DENND1C: variants seen among roughly 807,000 people sequenced by gnomAD.
DENND1C encodes the protein DENN domain-containing protein 1C.
DENND1C carries 64 observed loss-of-function variants against 87.9 expected under a neutral mutation model. The ratio of observed to expected loss-of-function variants is 0.73; its 90% CI spans 0.60 to 0.90. The LOEUF is 0.90. Among genes scored for constraint, DENND1C ranks in the 40% least tolerant of loss-of-function variants. The pLI is 0.00. For synonymous variants in DENND1C, 384 were observed against 424.4 expected, an observed-to-expected ratio of 0.90 and a Z score of 1.17; for missense variants, 980 against 1,037.0, an observed-to-expected ratio of 0.95 and a Z score of 0.76.
intron 14 of DENND1C, among the ~76,000 whole-genome samples, chr19:6,473,389 G>A (rs1020045058): frequency 5.3e-5 from 8 of 151,088 alleles, no homozygotes; most frequent in Non-Finnish European, 1.2e-4. Context: ...TCTTGACCTC[G>A]TGATCCACCC....
intron 10 of DENND1C, 105 bp downstream of exon 10, chr19:6,476,751 CG>C: frequency 8.6e-7 from 1 of 1,162,054 alleles, no homozygotes; most frequent in African/African-American, 1.6e-5. Context: ...ACTTCGCCCT[CG>C]GGTCTCGCGC....
chr19:6,471,220 C>T, intron 17 of DENND1C, 45 bp downstream of exon 17: 1 of 1,556,024 alleles, frequency 6.4e-7, no homozygotes. Flanking sequence ...GTTGGGATTA[C>T]AGGCCTAAGC....
intron 1 of DENND1C, among the ~76,000 whole-genome samples, chr19:6,480,741 A>G (rs945186705): frequency 4.0e-5 from 6 of 151,852 alleles, no homozygotes; most frequent in African/African-American, 1.5e-4. Context: ...TGTAGCTGGG[A>G]TTACAGGTGC....
chr19:6,470,993 C>T (rs1361861687), intron 17 of DENND1C, among the ~76,000 whole-genome samples: 1 of 150,838 alleles, frequency 6.6e-6, no homozygotes, highest in East Asian at 2.0e-4. Context: ...CTTGCTCTGT[C>T]ACCCAGGCTG....
intron 14 of DENND1C, among the ~76,000 whole-genome samples, chr19:6,473,210 AGT>A (rs1372223529): frequency 2.0e-5 from 3 of 152,206 alleles, no homozygotes; most frequent in African/African-American, 7.2e-5. Context: ...GCTGGAATGC[AGT>A]GGCGTGATCT....
At position 6,479,970 on chromosome 19, in the gene DENND1C, C is replaced by A; in HGVS notation, c.82+17G>T. ...ACCCTCCCCTCCCACTCCCTCACTC[C>A]CAGGCTCCCAACTCACCCTCCTGCA... On this transcript the variant is annotated intron_variant, in intron 2 of 22. Coordinates refer to ENST00000381480, the MANE Select transcript of DENND1C (RefSeq NM_024898.4). 6.2e-7 allele frequency: 1 copy of A among 1,604,764 alleles called. No homozygotes were observed. Among genetic ancestry groups the A allele is most frequent in the Non-Finnish European group, 8.5e-7 (1 of 1,176,068 alleles).
chr19:6,475,170 TA>T, intron 14 of DENND1C, 103 bp downstream of exon 14: 2 of 1,560,944 alleles, frequency 1.3e-6, no homozygotes, highest in South Asian at 2.3e-5. Flanking sequence ...GTGTTGGGAT[TA>T]CAGGCGTGAG....
At position 6,475,830 on chromosome 19, in the gene DENND1C, C is replaced by T. The variant is rs993898689; in HGVS notation, c.779+7G>A. The T allele has an allele frequency of 5.2e-6, 8 of 1,524,548 alleles. No individual in the cohort carries two copies. The highest frequency in any genetic ancestry group is 1.4e-5 in the African/African-American group (1 of 71,978). 94.4% of individuals were successfully genotyped at this position (1,524,548 alleles called of 1,614,324 possible). A position where few individuals can be genotyped will look rare whatever the true frequency, so the allele number is the denominator to read the frequency against. On this transcript the variant is annotated splice_region_variant and intron_variant, in intron 11 of 22. Coordinates refer to ENST00000381480, the MANE Select transcript of DENND1C (RefSeq NM_024898.4). ...AGGCCCTGCCCCTCCCAGCTGCCCT[C>T]GCTCACCAGCAGTAGTCCAGCAGGT...
Position 6,468,653 on chromosome 19 carries a change from G to C in DENND1C, c.1516-8C>G, listed in dbSNP as rs2092810327. ...GGGGCGAAGGGGCCGGTTCTGCAAA[G>C]GGTGGGGGCGATAGGACCTCAGGAG... On this transcript the variant is annotated splice_polypyrimidine_tract_variant and splice_region_variant and intron_variant, in intron 20 of 22. Transcript: ENST00000381480. The C allele has an allele frequency of 2.7e-6, 4 of 1,474,804 alleles. No individual in the cohort carries two copies. The highest frequency in any genetic ancestry group is 3.6e-6 in the Non-Finnish European group (4 of 1,114,136). The allele number at this position is 1,474,804 out of a possible 1,614,324, so 91.4% of individuals were successfully genotyped here.
Position 6,481,699 on chromosome 19 carries a change from C to A in DENND1C, c.-4G>T, listed in dbSNP as rs1222657952. 1 of 1,588,914 alleles carries A rather than the reference C, an allele frequency of 6.3e-7. No homozygotes were observed. The highest frequency in any genetic ancestry group is 8.6e-7 in the Non-Finnish European group (1 of 1,169,090). ...CTTACTCAGCTCTGGATTCCATGGT[C>A]CCTGCAGGGCCAGCCCAGCGGGGCC... On this transcript the variant is annotated 5_prime_UTR_variant, in exon 1 of 23. Transcript: ENST00000381480.
rs569536359 is a variant in DENND1C, at chr19:6,473,442, C to T, written c.1054-449G>A. ...TGCTGGGATTACAGGTGTGAGCCAC[C>T]GCGCCCAGCCCTGGTTTTTTTTTTT... On this transcript the variant is annotated intron_variant, in intron 14 of 22. Transcript: ENST00000381480. 3.2e-4 allele frequency among the ~76,000 whole-genome samples: 47 copies of T among 144,666 alleles called. No individual in the cohort carries two copies. The South Asian group carries it at 0.011, about 33-fold the overall frequency. The allele number at this position is 144,666 out of a possible 152,430, so 94.9% of individuals were successfully genotyped here.
chr19:6,481,558 C>A, intron 1 of DENND1C, 121 bp downstream of exon 1: 2 of 1,443,012 alleles, frequency 1.4e-6, no homozygotes, highest in Non-Finnish European at 9.5e-7. Flanking sequence ...TGATTCCAGC[C>A]ACCTGCCCTG....
At position 6,479,060 on chromosome 19, in the gene DENND1C, G is replaced by A. The variant is rs2092880990; in HGVS notation, c.177-4C>T. 7 of 1,613,798 alleles carry A rather than the reference G, an allele frequency of 4.3e-6. No individual in the cohort carries two copies. The highest frequency in any genetic ancestry group is 5.9e-6 in the Non-Finnish European group (7 of 1,179,778). Reference sequence around the variant, plus strand: ...CACGGCGGGGCTGGGGGGCTCCCTGGAGTGGGAAGGGCTGTTAGAGAGACC... The same window carrying A: ...CACGGCGGGGCTGGGGGGCTCCCTGAAGTGGGAAGGGCTGTTAGAGAGACC... On this transcript the variant is annotated splice_region_variant and splice_polypyrimidine_tract_variant and intron_variant, in intron 4 of 22. Transcript: ENST00000381480.
rs759180582 is a variant in DENND1C at position 6,471,419 on chromosome 19, G to A, written c.1236C>T (p.Cys412=). 20 of 1,585,448 alleles carry A rather than the reference G, an allele frequency of 1.3e-5. No homozygotes were observed. The highest frequency in any genetic ancestry group is 2.3e-5 in the East Asian group (1 of 43,326). The part of the protein sequence containing the change: ...SDQFEQEITG[C]GASSGALRSY... ...CTCAGGGCTCACCTGAGGAGGCCCCGCAGCCAGTGATCTCCTGCTCGAATT... is the reference window on the plus strand; with the variant it reads ...CTCAGGGCTCACCTGAGGAGGCCCCACAGCCAGTGATCTCCTGCTCGAATT... The change falls in exon 16 of 23, where the codon TGC becomes TGT. Residue 412 remains cysteine (C), a synonymous_variant. Transcript: ENST00000381480.
rs200635528 is a variant in DENND1C at position 6,468,328 on chromosome 19, C to G, written c.1697G>C (p.Ser566Thr). The G allele has an allele frequency of 3.8e-5, 62 of 1,613,724 alleles. No homozygotes were observed. The East Asian group carries it at 1.4e-3, about 36-fold the overall frequency. Residue 566 changes from serine (S) to threonine (T), a missense_variant, in exon 22 of 23, where the codon AGT becomes ACT. Transcript: ENST00000381480. ...ELDLLSEILD[S>T]LSMGAKSAGS... ...TGCGCTCTTGGCTCCCATGCTAAGA[C>G]TGTCCAGAATCTCGCTCAACAAATC...
In DENND1C at chr19:6,467,359, G is replaced by T; in HGVS notation, c.*145C>A. 8.8e-7 allele frequency: 1 copy of T among 1,138,956 alleles called. No individual in the cohort carries two copies. Among genetic ancestry groups the T allele is most frequent in the Non-Finnish European group, 1.2e-6 (1 of 851,186 alleles). 70.6% of individuals were successfully genotyped at this position (1,138,956 alleles called of 1,614,324 possible). A position where few individuals can be genotyped will look rare whatever the true frequency, so the allele number is the denominator to read the frequency against. ...TTCCCTGCTAGGAGCCAGTTAGAGA[G>T]GCTGCCCTTGGAGGGACAGAGGTGG... On this transcript the variant is annotated 3_prime_UTR_variant, in exon 23 of 23. Coordinates refer to ENST00000381480, the MANE Select transcript of DENND1C (RefSeq NM_024898.4).
rs1408725005 is a variant in DENND1C at position 6,479,732 on chromosome 19, A to G, written c.127-14T>C. On this transcript the variant is annotated splice_polypyrimidine_tract_variant and intron_variant, in intron 3 of 22. Coordinates refer to ENST00000381480, the MANE Select transcript of DENND1C (RefSeq NM_024898.4). ...CTGCATAGCTTCCTGGAGGTGAAGA[A>G]AAGCGCAGACTGCTTGGCCACTGAG... 9.9e-6 allele frequency: 16 copies of G among 1,613,890 alleles called. No homozygotes were observed. Among genetic ancestry groups the G allele is most frequent in the Non-Finnish European group, 1.3e-5 (15 of 1,179,842 alleles).
At position 6,479,853 on chromosome 19, in the gene DENND1C, G is replaced by A; in HGVS notation, c.126+6C>T. On this transcript the variant is annotated splice_donor_region_variant and intron_variant, in intron 3 of 22. Coordinates refer to ENST00000381480, the MANE Select transcript of DENND1C (RefSeq NM_024898.4). ...CCCTGGGGGAGCAAGGAGCCAGCCT[G>A]AATACCTGGTCCCTGAAGTCTGGAG... 6.2e-7 allele frequency: 1 copy of A among 1,611,674 alleles called. No homozygotes were observed. The highest frequency in any genetic ancestry group is 1.3e-5 in the African/African-American group (1 of 74,950).
Position 6,467,703 on chromosome 19 carries a change from T to C in DENND1C, c.2207A>G (p.Asp736Gly), listed in dbSNP as rs950832351. ...FDIAWTSQPL[D>G]PSSDPSSLED... ...CAGAGAACTGGGGTCTGAGGAAGGA[T>C]CAAGGGGCTGGGACGTCCAGGCTAT... The change falls in exon 23 of 23, where the codon GAT (aspartate) becomes GGT (glycine). Residue 736 changes from aspartate (D) to glycine (G), a missense_variant. Coordinates refer to ENST00000381480, the MANE Select transcript of DENND1C (RefSeq NM_024898.4). 149 of 1,520,630 alleles carry C rather than the reference T, an allele frequency of 9.8e-5. No individual in the cohort carries two copies. The highest frequency in any genetic ancestry group is 1.3e-4 in the Non-Finnish European group (147 of 1,137,246). 94.2% of individuals were successfully genotyped at this position (1,520,630 alleles called of 1,614,324 possible).
Sources: gnomAD v4.1 joint callset for allele counts (sites outside exome capture counted in the v4.1 genomes callset) on GRCh38, gnomAD v4.1.1 for gene constraint, MANE v1.5 for transcripts, NCBI Gene and HGNC (gene_info 2026-07-23, HGNC 2026-07-21) for gene names.